CRBN: variants seen among roughly 807,000 people sequenced by gnomAD.
The protein encoded by CRBN is cereblon.
CRBN carries 53 observed loss-of-function variants against 62.2 expected under a neutral mutation model. The observed-to-expected ratio is 0.85, with a 90% CI of 0.68 to 1.07. CRBN has a LOEUF of 1.07. Among genes scored for constraint, CRBN ranks in the 50% least tolerant of loss-of-function variants. The pLI, the probability that CRBN is intolerant of heterozygous loss-of-function variation, is 0.00. For synonymous variants in CRBN, 208 were observed against 176.1 expected (o/e 1.18, Z -1.43); for missense variants, 616 against 531.1 (o/e 1.16, Z -1.57).
intron 1 of CRBN, 133 bp from the exon 2 acceptor site, chr3:3,175,402 G>C: frequency 1.4e-6 from 1 of 690,240 alleles, no homozygotes; most frequent in South Asian, 1.7e-5. Context: ...CGTGAAGAGG[G>C]AGCCAGAGGA....
At position 3,172,865 on chromosome 3, in the gene CRBN, T is replaced by C. The variant is rs780779823; in HGVS notation, c.438A>G (p.Glu146=). ...GTTAEIYAYR[E]EQDFGIEIVK... ...CTATCTCAATTCCAAAATCCTGTTC[T>C]TCTCGATAGGCATATATCTCTGCTG... The change falls in exon 4 of 11, where the codon GAA becomes GAG. Residue 146 remains glutamate, a synonymous_variant. Coordinates refer to ENST00000231948, the MANE Select transcript of CRBN (RefSeq NM_016302.4). 3.8e-5 allele frequency: 61 copies of C among 1,613,552 alleles called. No homozygotes were observed. The East Asian group carries it at 1.2e-3, about 33-fold the overall frequency.
intron 1 of CRBN, among the ~76,000 whole-genome samples, chr3:3,179,162 A>G (rs1281598214): frequency 6.6e-6 from 1 of 152,124 alleles, no homozygotes; most frequent in Non-Finnish European, 1.5e-5. Context: ...CTGAAAACTG[A>G]TGTGGGAAGG....
intron 4 of CRBN, among the ~76,000 whole-genome samples, chr3:3,171,870 T>C (rs1039690334): frequency 6.6e-6 from 1 of 152,180 alleles, no homozygotes; most frequent in African/African-American, 2.4e-5. Flanking sequence ...CTGATGAGAT[T>C]TTCAACTGTG....
chr3:3,172,651 G>C (rs945337766), intron 4 of CRBN, 125 bp downstream of exon 4: 9 of 990,556 alleles, frequency 9.1e-6, no homozygotes, highest in East Asian at 2.4e-5. Context: ...CTATACCTTA[G>C]AAGGGAAAGA....
chr3:3,153,469 T>G lies in CRBN; in HGVS notation c.971A>C (p.Lys324Thr). Residue 324 changes from lysine (K) to threonine (T), a missense_variant, in exon 9 of 11, where the codon AAA (lysine) becomes ACA (threonine). Transcript: ENST00000231948. ...TGTTATTTCTGTTTCTTGACATTGT[T>G]TACAGCAAAGGGAAGTACACTAAAA... ...IMNKCTSLCC[K>T]QCQETEITTK... is the part of the protein sequence containing the mutation. 6.3e-7 allele frequency: 1 copy of G among 1,580,598 alleles called. No individual in the cohort carries two copies.
At chr3:3,168,020 A>G (rs1707417101) in intron 4 of CRBN, among the ~76,000 whole-genome samples, 1 of 70,038 alleles carries the variant, frequency 1.4e-5, no homozygotes, top group Non-Finnish European at 3.2e-5. Flanking sequence ...CGGATCTTCA[A>G]TGTCACTGTG....
At position 3,174,277 on chromosome 3, in the gene CRBN, T is replaced by C; in HGVS notation, c.175-16A>G. The C allele has an allele frequency of 1.3e-6, 2 of 1,548,442 alleles. No individual in the cohort carries two copies. Among genetic ancestry groups the C allele is most frequent in the Non-Finnish European group, 1.8e-6 (2 of 1,120,108 alleles). ...CACCTAGGTACTATATAAAAACATA[T>C]ATAGGTATAGTGTCATGATCGATAT... On this transcript the variant is annotated splice_polypyrimidine_tract_variant and intron_variant, in intron 2 of 10. Transcript: ENST00000231948.
At chr3:3,175,037 T>TG (rs147502997) in intron 2 of CRBN, 126 bp downstream of exon 2, 465,997 of 663,158 alleles carry the variant, frequency 0.7, 173,787 homozygotes, top group Middle Eastern at 0.82. Context: ...TACTGGCAAA[T>TG]AGCCCATGTC....
intron 5 of CRBN, among the ~76,000 whole-genome samples, chr3:3,156,994 G>A (rs1459303073): frequency 3.9e-5 from 6 of 152,226 alleles, no homozygotes; most frequent in South Asian, 2.1e-4. Context: ...ATTTGAGGGG[G>A]AGACTCAATA....
rs200971652 is a variant in CRBN, at chr3:3,174,279, T to C, written c.175-18A>G. On this transcript the variant is annotated intron_variant, in intron 2 of 10. Transcript: ENST00000231948. Reference sequence around the variant, plus strand: ...CCTAGGTACTATATAAAAACATATATAGGTATAGTGTCATGATCGATATGT... The same window carrying C: ...CCTAGGTACTATATAAAAACATATACAGGTATAGTGTCATGATCGATATGT... 2.7e-5 allele frequency: 41 copies of C among 1,539,754 alleles called. No individual in the cohort carries two copies. Among genetic ancestry groups the C allele is most frequent in the Non-Finnish European group, 3.4e-5 (38 of 1,112,256 alleles).
At chr3:3,169,965 A>G (rs761400448) in intron 4 of CRBN, among the ~76,000 whole-genome samples, 2 of 150,146 alleles carry the variant, frequency 1.3e-5, no homozygotes, top group Non-Finnish European at 3.0e-5. Context: ...ACACACACTC[A>G]TGACTTTGGG....
chr3:3,167,699 A>G lies in CRBN; in HGVS notation c.622T>C (p.Phe208Leu), dbSNP rs750379138. 1.9e-6 allele frequency: 3 copies of G among 1,613,524 alleles called. No individual in the cohort carries two copies. Among genetic ancestry groups the G allele is most frequent in the East Asian group, 2.2e-5 (1 of 44,818 alleles). Residue 208 changes from phenylalanine to leucine, a missense_variant, in exon 5 of 11, where the codon TTT (phenylalanine) becomes CTT (leucine). Coordinates refer to ENST00000231948, the MANE Select transcript of CRBN (RefSeq NM_016302.4). Reference sequence around the variant, plus strand: ...TCTCTTGAGACAGGTTTTGAAGGAAATATCTGGCACTTATTGAGGGATTCT... The same window carrying G: ...TCTCTTGAGACAGGTTTTGAAGGAAGTATCTGGCACTTATTGAGGGATTCT... ...QLESLNKCQI[F>L]PSKPVSREDQ... is the part of the protein sequence containing the mutation.
chr3:3,176,347 G>A (rs1015537845), intron 1 of CRBN, among the ~76,000 whole-genome samples: 2 of 152,204 alleles, frequency 1.3e-5, no homozygotes, highest in Non-Finnish European at 1.5e-5. Flanking sequence ...AAGCAGGCAA[G>A]ATCTGTTAAT....
At chr3:3,178,976 A>C (rs776030894) in intron 1 of CRBN, among the ~76,000 whole-genome samples, 7 of 152,146 alleles carry the variant, frequency 4.6e-5, no homozygotes, top group Non-Finnish European at 1.0e-4. Context: ...AGTATCTCTG[A>C]TTAAGCATAA....
chr3:3,161,163 C>CAAAAGAA (rs1282934267), intron 5 of CRBN, among the ~76,000 whole-genome samples: 2 of 151,908 alleles, frequency 1.3e-5, no homozygotes, highest in African/African-American at 4.8e-5. Context: ...ACACCAAAAA[C>CAAAAGAA]AAAAGACAAA....
At chr3:3,159,831 C>G (rs1707063836) in intron 5 of CRBN, among the ~76,000 whole-genome samples, 1 of 152,140 alleles carries the variant, frequency 6.6e-6, no homozygotes, top group Non-Finnish European at 1.5e-5. Flanking sequence ...ATTTAAGAGT[C>G]CCATTTAGCT....
At chr3:3,168,947 C>G (rs1287791163) in intron 4 of CRBN, among the ~76,000 whole-genome samples, 1 of 152,082 alleles carries the variant, frequency 6.6e-6, no homozygotes, top group East Asian at 1.9e-4. Flanking sequence ...GAAACAAAAT[C>G]TCAATTTTCT....
intron 5 of CRBN, among the ~76,000 whole-genome samples, chr3:3,160,181 A>T (rs185678097): frequency 6.6e-6 from 1 of 152,336 alleles, no homozygotes; most frequent in East Asian, 1.9e-4. Flanking sequence ...CCAACAACGT[A>T]GAATGTTCAA....
chr3:3,165,315 G>A (rs1707286920), intron 5 of CRBN, among the ~76,000 whole-genome samples: 1 of 152,212 alleles, frequency 6.6e-6, no homozygotes, highest in South Asian at 2.1e-4. Flanking sequence ...TGACAGGACT[G>A]ACTCCAATTT....
Sources: allele counts gnomAD v4.1 joint callset (sites outside exome capture counted in the v4.1 genomes callset), GRCh38; gene constraint gnomAD v4.1.1; transcripts MANE v1.5; gene names NCBI Gene and HGNC (gene_info 2026-07-23, HGNC 2026-07-21).